Variants in SLCO3A1 observed in about 807,000 individuals in gnomAD.
The protein encoded by SLCO3A1 is PGE1 transporter.
In SLCO3A1, 27 loss-of-function variants were observed where a neutral mutation model predicts 63.1. The observed-to-expected ratio is 0.43, with a 90% confidence interval of 0.32 to 0.59. SLCO3A1 has a LOEUF of 0.59. Among genes scored for constraint, SLCO3A1 ranks in the 20% least tolerant of loss-of-function variants. The probability of loss-of-function intolerance (pLI) is 0.09; values close to 1 mark genes in which losing one functional copy is unlikely to be tolerated. For missense variants in SLCO3A1, 773 were observed against 945.8 expected (o/e 0.82, Z 2.40); for synonymous variants, 473 against 409.9 (o/e 1.15, Z -1.86).
chr15:92,029,205 C>T (rs1037096311), intron 2 of SLCO3A1, among the ~76,000 whole-genome samples: 3 of 152,150 alleles, frequency 2.0e-5, no homozygotes, highest in African/African-American at 7.2e-5. Context: ...TCTTATACTT[C>T]TATGCCAGGT....
intron 2 of SLCO3A1, among the ~76,000 whole-genome samples, chr15:91,918,325 A>G (rs1315994176): frequency 1.3e-5 from 2 of 152,120 alleles, no homozygotes; most frequent in Non-Finnish European, 2.9e-5. Flanking sequence ...TATTCAGCCA[A>G]ATTTCTATTT....
At chr15:92,153,602 A>T (rs1021277747) in intron 9 of SLCO3A1, 4 of 152,208 alleles carry the variant, frequency 2.6e-5, no homozygotes, top group African/African-American at 9.7e-5. Flanking sequence ...GGCAATGGGG[A>T]TACAATGGGG....
At chr15:92,101,960 G>A (rs950543904) in intron 3 of SLCO3A1, among the ~76,000 whole-genome samples, 1 of 152,012 alleles carries the variant, frequency 6.6e-6, no homozygotes, top group South Asian at 2.1e-4. Context: ...CTCCCCCATC[G>A]CCATCCCTCT....
At chr15:92,063,792 G>A (rs1214115149) in intron 2 of SLCO3A1, among the ~76,000 whole-genome samples, 1 of 152,174 alleles carries the variant, frequency 6.6e-6, no homozygotes, top group East Asian at 1.9e-4. Flanking sequence ...GGAGGTTGCA[G>A]TGAGCCAAGA....
At chr15:91,928,350 T>C (rs768505480) in intron 2 of SLCO3A1, among the ~76,000 whole-genome samples, 3 of 152,186 alleles carry the variant, frequency 2.0e-5, no homozygotes, top group Non-Finnish European at 2.9e-5. Context: ...GAGGCTGTTA[T>C]TCTTTCTGTG....
intron 8 of SLCO3A1, among the ~76,000 whole-genome samples, chr15:92,149,952 T>C (rs1231283355): frequency 6.6e-6 from 1 of 152,066 alleles, no homozygotes; most frequent in Non-Finnish European, 1.5e-5. Context: ...TTGAAGAACT[T>C]GGATTTTGTA....
intron 1 of SLCO3A1, among the ~76,000 whole-genome samples, chr15:91,869,827 A>G (rs1897248002): frequency 6.6e-6 from 1 of 152,240 alleles, no homozygotes. Flanking sequence ...GTTTGTGTCC[A>G]GATTCAGGCT....
At chr15:91,925,126 G>A (rs1898968862) in intron 2 of SLCO3A1, among the ~76,000 whole-genome samples, 3 of 152,208 alleles carry the variant, frequency 2.0e-5, no homozygotes, top group Admixed American at 2.0e-4. Context: ...TTTCAACTGT[G>A]GCACAGGTAT....
In SLCO3A1 at chr15:91,897,959, TATC is replaced by T. The variant is rs1233544176; in HGVS notation, c.181-18031_181-18029del. Among the ~76,000 whole-genome samples, 1 of 152,174 alleles carries T rather than the reference TATC, an allele frequency of 6.6e-6. No homozygotes were observed. The highest frequency in any genetic ancestry group is 6.5e-5 in the Admixed American group (1 of 15,284). On this transcript the variant is annotated intron_variant, in intron 1 of 9. Transcript: ENST00000318445. This position sits in a 1 kb window ranked among gnomAD's most constrained non-coding sequence, Gnocchi z 4.7. ...ACACGGGGTTTTTAAATTAGAAAGA[TATC>T]ATGAGATGCAGAAAGCAGGTGCTCA... is the stretch of plus-strand genomic sequence containing the variant.
intron 2 of SLCO3A1, among the ~76,000 whole-genome samples, chr15:91,977,964 C>T (rs979933973): frequency 6.6e-5 from 10 of 152,152 alleles, no homozygotes; most frequent in African/African-American, 2.4e-4. Flanking sequence ...TGCATGGGTC[C>T]AGGCACTGAG....
chr15:92,119,656 G>T (rs556472450), intron 4 of SLCO3A1, among the ~76,000 whole-genome samples: 69 of 152,352 alleles, frequency 4.5e-4, no homozygotes, highest in African/African-American at 1.6e-3. Context: ...TGGACTGGAG[G>T]GTGGGAAGAG....
At chr15:92,156,808 T>TAAATGTAAGTGGCCGTA (rs1213103403) in intron 9 of SLCO3A1, among the ~76,000 whole-genome samples, 1 of 152,222 alleles carries the variant, frequency 6.6e-6, no homozygotes, top group Non-Finnish European at 1.5e-5. Flanking sequence ...GATATCTTTT[T>TAAATGTAAGTGGCCGTA]AAATGTAAGT....
Position 91,981,273 on chromosome 15 carries a change from A to G in SLCO3A1, c.646+64815A>G, listed in dbSNP as rs189177430. The stretch of plus-strand genomic sequence containing the variant: ...CCATTTCTCCCTGCTCCTTTGTGCC[A>G]TGGCTCACCTCTGACTATGACACTT... On this transcript the variant is annotated intron_variant, in intron 2 of 9. Coordinates refer to ENST00000318445, the MANE Select transcript of SLCO3A1 (RefSeq NM_013272.4). 6.1e-4 allele frequency among the ~76,000 whole-genome samples: 93 copies of G among 152,254 alleles called. 1 individual carries two copies. Among genetic ancestry groups the G allele is most frequent in the East Asian group, 1.9e-4 (1 of 5,170 alleles).
chr15:92,032,601 C>A (rs2046666590), intron 2 of SLCO3A1, among the ~76,000 whole-genome samples: 1 of 151,802 alleles, frequency 6.6e-6, no homozygotes, highest in South Asian at 2.1e-4. Context: ...TGGGTGAAAG[C>A]TTTGGGTAGT....
chr15:92,164,264 C>A lies in SLCO3A1; in HGVS notation c.*1129C>A, dbSNP rs1426014628. On this transcript the variant is annotated 3_prime_UTR_variant, in exon 10 of 10. Transcript: ENST00000318445. ...CCTATTGTAATTTTCATCATTTTAT[C>A]CTCATTCGAATATTCTACAAAAACA... is the stretch of plus-strand genomic sequence containing the variant. 1.8e-5 allele frequency: 18 copies of A among 983,594 alleles called. No homozygotes were observed. The African/African-American group carries it at 3.0e-4, about 16-fold the overall frequency. The allele number at this position is 983,594 out of a possible 1,614,324, so 60.9% of individuals were successfully genotyped here.
intron 2 of SLCO3A1, among the ~76,000 whole-genome samples, chr15:91,973,263 C>T (rs1334318016): frequency 6.6e-6 from 1 of 152,184 alleles, no homozygotes; most frequent in Non-Finnish European, 1.5e-5. Context: ...GGTGCCTGCT[C>T]CTCCCAGGCA....
chr15:91,997,053 G>A (rs146414574), intron 2 of SLCO3A1, among the ~76,000 whole-genome samples: 37 of 152,300 alleles, frequency 2.4e-4, no homozygotes, highest in African/African-American at 7.7e-4. Flanking sequence ...TGGAAAAGAA[G>A]TCCAGCTGTC....
In SLCO3A1 at chr15:91,916,603, G is replaced by C; in HGVS notation, c.646+145G>C. The C allele has an allele frequency of 3.0e-6, 2 of 658,406 alleles. No homozygotes were observed. Among genetic ancestry groups the C allele is most frequent in the Non-Finnish European group, 5.0e-6 (2 of 397,874 alleles). 40.8% of individuals were successfully genotyped at this position (658,406 alleles called of 1,614,324 possible). A position where few individuals can be genotyped will look rare whatever the true frequency, so the allele number is the denominator to read the frequency against. On this transcript the variant is annotated intron_variant, in intron 2 of 9. Coordinates refer to ENST00000318445, the MANE Select transcript of SLCO3A1 (RefSeq NM_013272.4). This position sits in a 1 kb window ranked among gnomAD's most constrained non-coding sequence, Gnocchi z 6.2. ...GTGTTCTTGAAAAATACTCATGCCT[G>C]GGGGTGCAACCTGGGCATTGAGACG...
intron 2 of SLCO3A1, among the ~76,000 whole-genome samples, chr15:92,060,984 A>G (rs959641492): frequency 1.3e-5 from 2 of 152,212 alleles, no homozygotes; most frequent in African/African-American, 4.8e-5. Context: ...TTCGAGGTTC[A>G]TCATTGACTG....
Sources: gnomAD v4.1 joint callset for allele counts (sites outside exome capture counted in the v4.1 genomes callset) on GRCh38, gnomAD v4.1.1 for gene constraint, Gnocchi (gnomAD v3.1) non-coding constraint, MANE v1.5 for transcripts, NCBI Gene and HGNC (gene_info 2026-07-23, HGNC 2026-07-21) for gene names.